Variants in APBB2 observed in about 807,000 individuals in gnomAD.
APBB2 encodes Fe65-like 1.
In APBB2, 38 loss-of-function variants were observed where a neutral mutation model predicts 82.5. The observed-to-expected ratio is 0.46, with a 90% CI of 0.36 to 0.60. The LOEUF is 0.60. APBB2 is among the 20% of genes least tolerant of loss of function. The pLI, the probability that APBB2 is intolerant of heterozygous loss-of-function variation, is 0.00. For missense variants in APBB2, 772 were observed against 972.3 expected, an observed-to-expected ratio of 0.79 and a Z score of 2.74; for synonymous variants, 341 against 368.2, an observed-to-expected ratio of 0.93 and a Z score of 0.85.
intron 10 of APBB2, among the ~76,000 whole-genome samples, chr4:40,929,954 C>T (rs566298196): frequency 2.0e-5 from 3 of 152,220 alleles, no homozygotes; most frequent in Middle Eastern, 3.4e-3. Flanking sequence ...GATTACGGTG[C>T]TATTAATTAA....
intron 6 of APBB2, among the ~76,000 whole-genome samples, chr4:40,957,134 G>GCAAAGCCGGGCA (rs1183265309): frequency 3.9e-5 from 6 of 152,162 alleles, no homozygotes; most frequent in Admixed American, 2.6e-4. Context: ...CAAAGGCGGC[G>GCAAAGCCGGGCA]CAAAGCCGGG....
At chr4:41,161,773 TGTTG>T (rs1765224579) in intron 1 of APBB2, among the ~76,000 whole-genome samples, 1 of 152,206 alleles carries the variant, frequency 6.6e-6, no homozygotes, top group Non-Finnish European at 1.5e-5. Context: ...AGAGCTAGAA[TGTTG>T]AGCCTCCCAA....
At chr4:41,031,135 G>A (rs909415406) in intron 5 of APBB2, among the ~76,000 whole-genome samples, 3 of 152,308 alleles carry the variant, frequency 2.0e-5, no homozygotes, top group Admixed American at 2.0e-4. Context: ...TGAGGCAGGA[G>A]AATCGCTTGA....
At chr4:41,064,075 T>C (rs1579696074) in intron 4 of APBB2, among the ~76,000 whole-genome samples, 1 of 128,540 alleles carries the variant, frequency 7.8e-6, no homozygotes, top group Non-Finnish European at 1.6e-5. Flanking sequence ...GCTTCCCGGG[T>C]TCACGCCATC....
At chr4:40,949,827 G>A (rs1399230100) in intron 6 of APBB2, among the ~76,000 whole-genome samples, 1 of 152,136 alleles carries the variant, frequency 6.6e-6, no homozygotes, top group Non-Finnish European at 1.5e-5. Context: ...CCCTTTTGAC[G>A]GATCTGCTTA....
intron 12 of APBB2, among the ~76,000 whole-genome samples, chr4:40,869,723 A>C (rs1024245505): frequency 1.3e-5 from 2 of 152,182 alleles, no homozygotes; most frequent in Non-Finnish European, 2.9e-5. Context: ...TTCTAAGAAT[A>C]AAAGACTTTG....
chr4:41,098,276 C>A (rs1433249142), intron 3 of APBB2, among the ~76,000 whole-genome samples: 1 of 152,052 alleles, frequency 6.6e-6, no homozygotes, highest in Non-Finnish European at 1.5e-5. Flanking sequence ...CCTCAAACTC[C>A]TGGGCTCACG....
chr4:41,110,638 T>A (rs950087781), intron 2 of APBB2, among the ~76,000 whole-genome samples: 5 of 151,918 alleles, frequency 3.3e-5, no homozygotes, highest in African/African-American at 1.2e-4. Flanking sequence ...TTTTTATCCT[T>A]ATCATGTACT....
chr4:40,992,361 T>TGGCG lies in APBB2; in HGVS notation c.835+21221_835+21222insCGCC, dbSNP rs1553899620. ...TTTATTTATTTATTTTTGGTAGAGATGGGGGGGGGTCTTTCTATGTTGCCC... is the reference window on the plus strand; with the variant it reads ...TTTATTTATTTATTTTTGGTAGAGATGGCGGGGGGGGGGTCTTTCTATGTTGCCC... On this transcript the variant is annotated intron_variant, in intron 6 of 17. Coordinates refer to ENST00000508593, the MANE Select transcript of APBB2 (RefSeq NM_004307.2). Among the ~76,000 whole-genome samples the TGGCG allele has an allele frequency of 3.6e-5, 5 of 139,404 alleles. No individual in the cohort carries two copies. In the East Asian group the frequency reaches 1.1e-3, roughly 31 times the overall value. 91.5% of individuals were successfully genotyped at this position (139,404 alleles called of 152,430 possible).
At chr4:40,962,396 A>T (rs1793520911) in intron 6 of APBB2, among the ~76,000 whole-genome samples, 2 of 152,330 alleles carry the variant, frequency 1.3e-5, no homozygotes, top group South Asian at 4.1e-4. Context: ...TCCTTTCTGT[A>T]AAGATGAGAA....
chr4:40,861,997 A>T (rs1762868161), intron 12 of APBB2, among the ~76,000 whole-genome samples: 1 of 152,236 alleles, frequency 6.6e-6, no homozygotes. Context: ...AAAATTCAAC[A>T]AACCTAACCA....
chr4:41,172,639 G>A (rs1250264609), intron 1 of APBB2, among the ~76,000 whole-genome samples: 1 of 152,184 alleles, frequency 6.6e-6, no homozygotes, highest in Non-Finnish European at 1.5e-5. Context: ...CGCAATGGGA[G>A]TGGGCTCTGC....
At chr4:40,868,493 T>A (rs1191894269) in intron 12 of APBB2, among the ~76,000 whole-genome samples, 2 of 152,206 alleles carry the variant, frequency 1.3e-5, no homozygotes, top group Admixed American at 6.5e-5. Flanking sequence ...AATCTCAGCT[T>A]CAGAATTTCA....
chr4:41,189,974 C>G (rs1773955576), intron 1 of APBB2, among the ~76,000 whole-genome samples: 1 of 152,182 alleles, frequency 6.6e-6, no homozygotes, highest in Non-Finnish European at 1.5e-5. Flanking sequence ...GTAAACAATT[C>G]AGCATGTCTT....
chr4:40,870,559 A>C (rs759611196), intron 12 of APBB2, among the ~76,000 whole-genome samples: 50 of 152,138 alleles, frequency 3.3e-4, no homozygotes, highest in Non-Finnish European at 5.6e-4. Flanking sequence ...TAGAGGAGAG[A>C]CAGCTGGGTG....
At chr4:40,997,990 G>A (rs1391343044) in intron 6 of APBB2, among the ~76,000 whole-genome samples, 1 of 152,160 alleles carries the variant, frequency 6.6e-6, no homozygotes, top group African/African-American at 2.4e-5. Flanking sequence ...TCATTTACGT[G>A]AAAGAACAAC....
chr4:40,877,515 C>T (rs776882792), intron 12 of APBB2, among the ~76,000 whole-genome samples: 1 of 152,164 alleles, frequency 6.6e-6, no homozygotes, highest in Admixed American at 6.5e-5. Context: ...GGATCAGATA[C>T]TTTCAATCTG....
At chr4:41,092,023 A>C (rs978151015) in intron 3 of APBB2, among the ~76,000 whole-genome samples, 1 of 152,236 alleles carries the variant, frequency 6.6e-6, no homozygotes, top group African/African-American at 2.4e-5. Flanking sequence ...AATGTTGAAT[A>C]AAAGAATAAA....
intron 1 of APBB2, among the ~76,000 whole-genome samples, chr4:41,192,908 A>G (rs1774881929): frequency 6.6e-6 from 1 of 152,216 alleles, no homozygotes; most frequent in Non-Finnish European, 1.5e-5. Context: ...TTTTTTAAAT[A>G]ATCTTTTTTA....
Sources: allele counts gnomAD v4.1 joint callset (sites outside exome capture counted in the v4.1 genomes callset), GRCh38; gene constraint gnomAD v4.1.1; transcripts MANE v1.5; gene names NCBI Gene and HGNC (gene_info 2026-07-23, HGNC 2026-07-21).